The following RNF130 variants were observed in gnomAD, a reference collection of about 807,000 sequenced individuals.
The protein encoded by RNF130 is ring finger protein 130.
Under a neutral mutation model 44.6 loss-of-function variants are expected in RNF130, and 21 were observed. The ratio of observed to expected loss-of-function variants is 0.47; its 90% CI spans 0.33 to 0.68. The LOEUF is 0.68. Among genes scored for constraint, RNF130 ranks in the 30% least tolerant of loss-of-function variants. The pLI, the probability that RNF130 is intolerant of heterozygous loss-of-function variation, is 0.02. For synonymous variants in RNF130, 214 were observed against 210.4 expected (o/e 1.02, Z -0.15); for missense variants, 479 against 560.6 (o/e 0.85, Z 1.47).
chr5:179,990,122 G>A (rs1016040833), intron 3 of RNF130, among the ~76,000 whole-genome samples: 4 of 152,126 alleles, frequency 2.6e-5, no homozygotes, highest in Non-Finnish European at 2.9e-5. Flanking sequence ...AAAGATAGCT[G>A]GGCCCGGGGG....
intron 7 of RNF130, among the ~76,000 whole-genome samples, chr5:179,922,616 T>C (rs1761651290): frequency 6.6e-6 from 1 of 151,506 alleles, no homozygotes; most frequent in Non-Finnish European, 1.5e-5. Context: ...GCTTGGGCTG[T>C]CTTCGTGTTA....
At chr5:180,037,759 C>A (rs1343275614) in intron 2 of RNF130, among the ~76,000 whole-genome samples, 2 of 152,100 alleles carry the variant, frequency 1.3e-5, no homozygotes, top group East Asian at 1.9e-4. Context: ...TTAACTATAC[C>A]ACATAATGCC....
chr5:180,064,483 G>A (rs923844130), intron 1 of RNF130, among the ~76,000 whole-genome samples: 4 of 152,116 alleles, frequency 2.6e-5, no homozygotes, highest in African/African-American at 7.2e-5. Flanking sequence ...CTATTCCACC[G>A]TTCCAAACAG....
chr5:180,059,949 A>C (rs1764935091), intron 1 of RNF130, among the ~76,000 whole-genome samples: 4 of 152,164 alleles, frequency 2.6e-5, no homozygotes, highest in African/African-American at 7.2e-5. Flanking sequence ...TCATCGGCTG[A>C]CTTTACAATA....
intron 8 of RNF130, among the ~76,000 whole-genome samples, chr5:179,958,581 G>A (rs1762259413): frequency 6.6e-6 from 1 of 152,216 alleles, no homozygotes; most frequent in South Asian, 2.1e-4. Context: ...CCTGTGAACA[G>A]GTCTATCCTG....
At chr5:180,001,994 G>A (rs1316975148) in intron 3 of RNF130, among the ~76,000 whole-genome samples, 3 of 152,222 alleles carry the variant, frequency 2.0e-5, no homozygotes, top group Non-Finnish European at 2.9e-5. Context: ...GTCTGGCCAA[G>A]GCACCAACTC....
intron 7 of RNF130, among the ~76,000 whole-genome samples, 188 bp downstream of exon 7, chr5:179,966,618 A>C (rs946922719): frequency 6.6e-6 from 1 of 152,198 alleles, no homozygotes. Flanking sequence ...ATTATACACA[A>C]ACACACCAGC....
chr5:179,975,170 G>C (rs1378581271), intron 5 of RNF130, among the ~76,000 whole-genome samples: 2 of 152,230 alleles, frequency 1.3e-5, no homozygotes, highest in Admixed American at 1.3e-4. Context: ...CCGACTCTGG[G>C]CTTCAAAGAC....
chr5:180,000,610 T>C (rs1273376890), intron 3 of RNF130, among the ~76,000 whole-genome samples: 1 of 152,226 alleles, frequency 6.6e-6, no homozygotes, highest in Non-Finnish European at 1.5e-5. Context: ...TGTCTCTGAC[T>C]TGTTAATTTC....
chr5:180,046,140 C>T (rs901979352), intron 1 of RNF130, among the ~76,000 whole-genome samples: 2 of 152,196 alleles, frequency 1.3e-5, no homozygotes, highest in Non-Finnish European at 2.9e-5. Flanking sequence ...CGTGCAGGCC[C>T]ACAGTGCTGA....
intron 2 of RNF130, among the ~76,000 whole-genome samples, chr5:180,026,660 G>C (rs1158046249): frequency 2.0e-5 from 3 of 152,176 alleles, no homozygotes; most frequent in Non-Finnish European, 2.9e-5. Flanking sequence ...ACTTACACTT[G>C]TATTGGTACA....
intron 5 of RNF130, among the ~76,000 whole-genome samples, chr5:179,972,250 G>C (rs1382200001): frequency 6.6e-6 from 1 of 152,190 alleles, no homozygotes; most frequent in East Asian, 1.9e-4. Flanking sequence ...CCCTTTTGGG[G>C]CATACAAACT....
intron 7 of RNF130, among the ~76,000 whole-genome samples, chr5:179,964,668 A>G (rs569927086): frequency 2.6e-5 from 4 of 152,282 alleles, no homozygotes; most frequent in Non-Finnish European, 5.9e-5. Flanking sequence ...TTCTAGAAAA[A>G]CATACTTTTG....
At chr5:179,930,275 C>T (rs1016001380) in intron 7 of RNF130, among the ~76,000 whole-genome samples, 1 of 152,164 alleles carries the variant, frequency 6.6e-6, no homozygotes, top group Non-Finnish European at 1.5e-5. Flanking sequence ...TCAGGCTGAT[C>T]TCGAACTCCT....
chr5:179,945,910 A>G (rs1470559011), intron 7 of RNF130, among the ~76,000 whole-genome samples: 1 of 42,308 alleles, frequency 2.4e-5, no homozygotes, highest in East Asian at 7.0e-4. Context: ...CGGAGGGAAA[A>G]AGGCGGGGGC....
At chr5:180,046,042 A>AG (rs759667921) in intron 1 of RNF130, among the ~76,000 whole-genome samples, 1 of 151,840 alleles carries the variant, frequency 6.6e-6, no homozygotes, top group Non-Finnish European at 1.5e-5. Flanking sequence ...GCGTGGACGG[A>AG]GGGGGGTGGG....
intron 3 of RNF130, among the ~76,000 whole-genome samples, chr5:180,008,345 A>C (rs1219742016): frequency 1.3e-5 from 2 of 152,150 alleles, no homozygotes; most frequent in Admixed American, 6.5e-5. Context: ...CACAGAGCCC[A>C]GTGGGAATAG....
intron 3 of RNF130, among the ~76,000 whole-genome samples, chr5:180,004,614 T>C (rs1763422395): frequency 6.6e-6 from 1 of 152,342 alleles, no homozygotes; most frequent in African/African-American, 2.4e-5. Flanking sequence ...ATTCTATATT[T>C]GAAAGCAAAG....
In RNF130 at chr5:179,963,507, A is replaced by G; in HGVS notation, c.1208T>C (p.Met403Thr). The G allele has an allele frequency of 6.2e-7, 1 of 1,614,118 alleles. No individual in the cohort carries two copies. The highest frequency in any genetic ancestry group is 2.2e-5 in the East Asian group (1 of 44,888). The stretch of plus-strand genomic sequence containing the variant: ...CAAGCTAGCTGTGGCTCTGATGATC[A>G]TGTAGCAGAGTGTGAGGGCACTGAG... ...GLLSALTLCY[M>T]IIRATASLNA... Residue 403 changes from methionine to threonine, a missense_variant, in exon 8 of 9, where the codon ATG (methionine) becomes ACG (threonine). Met to Thr is a moderately conservative substitution (Grantham distance 81). Coordinates refer to ENST00000521389, the MANE Select transcript of RNF130 (RefSeq NM_018434.6).
Sources: allele counts gnomAD v4.1 joint callset (sites outside exome capture counted in the v4.1 genomes callset), GRCh38; gene constraint gnomAD v4.1.1; transcripts MANE v1.5; gene names NCBI Gene and HGNC (gene_info 2026-07-23, HGNC 2026-07-21).